Variants in SCFD2 observed in about 807,000 individuals in gnomAD.
SCFD2 encodes sec1 family domain-containing protein 2.
In SCFD2, 54 loss-of-function variants were observed where a neutral mutation model predicts 58.9. The observed-to-expected ratio is 0.92, with a 90% confidence interval of 0.74 to 1.15. The LOEUF is 1.15. Ranked by LOEUF, SCFD2 falls within the 50% of genes most tolerant of loss-of-function variation. The pLI is 0.00. For missense variants in SCFD2, 805 were observed against 836.6 expected (o/e 0.96, Z 0.47); for synonymous variants, 321 against 335.9 (o/e 0.96, Z 0.49).
At chr4:53,147,806 ATG>A (rs1726379349) in intron 4 of SCFD2, among the ~76,000 whole-genome samples, 1 of 152,246 alleles carries the variant, frequency 6.6e-6, no homozygotes, top group Non-Finnish European at 1.5e-5. Context: ...AAAGAATCTC[ATG>A]ATGTTTTAAG....
At chr4:53,270,488 G>C (rs1220208634) in intron 4 of SCFD2, among the ~76,000 whole-genome samples, 8 of 152,144 alleles carry the variant, frequency 5.3e-5, no homozygotes, top group Admixed American at 2.6e-4. Context: ...TACTGAAAAA[G>C]GGCCTAGTAT....
Position 52,873,885 on chromosome 4 carries a change from G to C in SCFD2, c.*84C>G. 2 of 926,182 alleles carry C rather than the reference G, an allele frequency of 2.2e-6. No individual in the cohort carries two copies. Among genetic ancestry groups the C allele is most frequent in the Non-Finnish European group, 3.5e-6 (2 of 563,620 alleles). The allele number at this position is 926,182 out of a possible 1,614,324, so 57.4% of individuals were successfully genotyped here. ...TCTCGCAATTAGTGACAGGGACGCT[G>C]GTTGTGGAGGAGTATTTGGAGTGGT... is the stretch of plus-strand genomic sequence containing the variant. On this transcript the variant is annotated 3_prime_UTR_variant, in exon 9 of 9. Transcript: ENST00000401642.
intron 4 of SCFD2, among the ~76,000 whole-genome samples, chr4:53,205,765 G>A (rs1728386973): frequency 6.6e-6 from 1 of 151,926 alleles, no homozygotes; most frequent in Non-Finnish European, 1.5e-5. Flanking sequence ...GGGAGGCTGA[G>A]GCAGGAGAAT....
chr4:53,331,501 A>G (rs1577975403), intron 2 of SCFD2, among the ~76,000 whole-genome samples: 3 of 152,198 alleles, frequency 2.0e-5, no homozygotes, highest in Admixed American at 1.3e-4. Context: ...TGACTACTGG[A>G]TACATAACGA....
chr4:52,975,995 G>A (rs1019903174), intron 5 of SCFD2, among the ~76,000 whole-genome samples: 2 of 132,710 alleles, frequency 1.5e-5, no homozygotes, highest in African/African-American at 5.6e-5. Flanking sequence ...GACACAGGAA[G>A]CGGAACATCA....
chr4:52,939,143 A>G (rs752200067), intron 5 of SCFD2, among the ~76,000 whole-genome samples: 2 of 152,230 alleles, frequency 1.3e-5, no homozygotes, highest in Non-Finnish European at 2.9e-5. Flanking sequence ...GTTTGTTATT[A>G]GCACAACCTA....
chr4:53,193,448 T>C (rs1036812469), intron 4 of SCFD2, among the ~76,000 whole-genome samples: 9 of 152,216 alleles, frequency 5.9e-5, no homozygotes, highest in South Asian at 2.1e-4. Context: ...ATCGTGTCAC[T>C]ACATCCATCA....
intron 4 of SCFD2, among the ~76,000 whole-genome samples, chr4:53,249,014 G>A (rs942268119): frequency 6.6e-6 from 1 of 152,126 alleles, no homozygotes; most frequent in African/African-American, 2.4e-5. Context: ...TCCGAGCTAT[G>A]GGAGGAAATT....
intron 4 of SCFD2, among the ~76,000 whole-genome samples, chr4:53,245,057 G>A (rs948952932): frequency 1.1e-4 from 16 of 151,878 alleles, no homozygotes; most frequent in African/African-American, 3.9e-4. Flanking sequence ...AATCAACCAG[G>A]AAGAAACTGA....
At chr4:53,237,935 G>T (rs1729711138) in intron 4 of SCFD2, among the ~76,000 whole-genome samples, 2 of 124,710 alleles carry the variant, frequency 1.6e-5, no homozygotes, top group South Asian at 2.8e-4. Context: ...TCCGGACGGG[G>T]CGGCTGGCCG....
At chr4:53,162,391 T>C (rs1337646274) in intron 4 of SCFD2, among the ~76,000 whole-genome samples, 2 of 152,170 alleles carry the variant, frequency 1.3e-5, no homozygotes, top group African/African-American at 4.8e-5. Context: ...AAAGCAAAAG[T>C]CTAAACTGAA....
chr4:53,300,070 A>G (rs1017000523), intron 3 of SCFD2, among the ~76,000 whole-genome samples: 4 of 152,194 alleles, frequency 2.6e-5, no homozygotes, highest in African/African-American at 9.6e-5. Context: ...CTAACATCAT[A>G]ATGACAGGAT....
chr4:52,889,639 G>A (rs925765384), intron 7 of SCFD2, among the ~76,000 whole-genome samples: 1 of 152,156 alleles, frequency 6.6e-6, no homozygotes, highest in Non-Finnish European at 1.5e-5. Context: ...TGGAATATCT[G>A]TTAAACATAT....
At chr4:52,929,749 G>A (rs188090874) in intron 5 of SCFD2, among the ~76,000 whole-genome samples, 32 of 152,258 alleles carry the variant, frequency 2.1e-4, no homozygotes, top group Admixed American at 1.4e-3. Context: ...CATCTGTACT[G>A]CTCCAGGAAG....
intron 5 of SCFD2, among the ~76,000 whole-genome samples, chr4:53,075,701 C>T (rs1723952136): frequency 2.0e-5 from 3 of 152,130 alleles, no homozygotes; most frequent in Non-Finnish European, 4.4e-5. Flanking sequence ...GTGGAGCAGT[C>T]AGAACACACA....
intron 4 of SCFD2, among the ~76,000 whole-genome samples, chr4:53,259,579 G>T (rs1465836674): frequency 6.6e-6 from 1 of 152,138 alleles, no homozygotes; most frequent in East Asian, 1.9e-4. Context: ...ACTGGTCTAT[G>T]TGCCTATTTT....
At chr4:52,969,996 G>T (rs1372104276) in intron 5 of SCFD2, among the ~76,000 whole-genome samples, 1 of 152,078 alleles carries the variant, frequency 6.6e-6, no homozygotes, top group African/African-American at 2.4e-5. Context: ...GTTTAAAGAG[G>T]GTAAAAATCT....
chr4:52,908,608 G>A (rs1257095078), intron 6 of SCFD2, among the ~76,000 whole-genome samples: 4 of 152,180 alleles, frequency 2.6e-5, no homozygotes, highest in East Asian at 1.9e-4. Flanking sequence ...TGTAGCAACT[G>A]TCAAGGATAT....
intron 1 of SCFD2, among the ~76,000 whole-genome samples, chr4:53,359,735 C>T (rs1330130011): frequency 6.6e-6 from 1 of 152,178 alleles, no homozygotes; most frequent in Non-Finnish European, 1.5e-5. Flanking sequence ...ATGAGCTTCC[C>T]AGCTCCCTAA....
Sources: allele counts gnomAD v4.1 joint callset (sites outside exome capture counted in the v4.1 genomes callset), GRCh38; gene constraint gnomAD v4.1.1; transcripts MANE v1.5; gene names NCBI Gene and HGNC (gene_info 2026-07-23, HGNC 2026-07-21).